The following SP100 variants were observed in gnomAD, a reference collection of about 807,000 sequenced individuals.
SP100 encodes the protein SP100 nuclear body protein.
Under a neutral mutation model 130.0 loss-of-function variants are expected in SP100, and 84 were observed. That is an observed-to-expected ratio of 0.65 (90% CI 0.54 to 0.77). SP100 has a LOEUF of 0.77. Among genes scored for constraint, SP100 ranks in the 30% least tolerant of loss-of-function variants. SP100 has a pLI of 0.00. For missense variants in SP100, 978 were observed against 1,052.2 expected (o/e 0.93, Z 0.97); for synonymous variants, 331 against 351.7 (o/e 0.94, Z 0.66).
intron 24 of SP100, among the ~76,000 whole-genome samples, chr2:230,529,541 C>T (rs1015844597): frequency 4.6e-5 from 7 of 152,300 alleles, no homozygotes; most frequent in Non-Finnish European, 1.0e-4. Context: ...CCCTCTCTCA[C>T]GACTCTTATT....
intron 24 of SP100, among the ~76,000 whole-genome samples, chr2:230,519,435 T>C (rs1388456791): frequency 1.3e-5 from 2 of 152,210 alleles, no homozygotes; most frequent in Non-Finnish European, 2.9e-5. Context: ...AGTTGTTCTG[T>C]TTGCTCCTTC....
At chr2:230,542,186 C>T in intron 28 of SP100, 151 bp downstream of exon 28, 1 of 817,422 alleles carries the variant, frequency 1.2e-6, no homozygotes, top group South Asian at 1.7e-5. Flanking sequence ...ATCCTAAAAG[C>T]CCTGTAGTGC....
chr2:230,451,641 T>C (rs926800487), intron 8 of SP100, among the ~76,000 whole-genome samples: 6 of 152,258 alleles, frequency 3.9e-5, no homozygotes, highest in Non-Finnish European at 8.8e-5. Context: ...AGAAGCTTTT[T>C]AGTTTGATGT....
At chr2:230,433,623 A>G (rs1196447499) in intron 2 of SP100, among the ~76,000 whole-genome samples, 1 of 152,074 alleles carries the variant, frequency 6.6e-6, no homozygotes, top group Non-Finnish European at 1.5e-5. Flanking sequence ...TCAATCCATG[A>G]ACATTGGCAT....
intron 8 of SP100, among the ~76,000 whole-genome samples, chr2:230,455,365 T>C (rs1363703126): frequency 6.6e-6 from 1 of 152,216 alleles, no homozygotes; most frequent in East Asian, 1.9e-4. Flanking sequence ...TGCCTGGTTT[T>C]ATCATGACCT....
intron 24 of SP100, among the ~76,000 whole-genome samples, chr2:230,526,450 A>T (rs532547442): frequency 6.6e-6 from 1 of 152,212 alleles, no homozygotes; most frequent in African/African-American, 2.4e-5. Flanking sequence ...AACCACAAAG[A>T]TGGGGAGAAA....
chr2:230,453,976 A>T (rs1285051082), intron 8 of SP100, among the ~76,000 whole-genome samples: 3 of 152,130 alleles, frequency 2.0e-5, no homozygotes, highest in South Asian at 2.1e-4. Flanking sequence ...CTTACTCATT[A>T]TTGGTCTGTT....
At chr2:230,416,403 T>C in intron 1 of SP100, 75 bp downstream of exon 1, 2 of 1,270,492 alleles carry the variant, frequency 1.6e-6, no homozygotes, top group Non-Finnish European at 2.3e-6. Flanking sequence ...GTTCAGTTTG[T>C]GCCTAAGGCT....
At chr2:230,505,461 C>A (rs1347772452) in intron 21 of SP100, among the ~76,000 whole-genome samples, 4 of 152,176 alleles carry the variant, frequency 2.6e-5, no homozygotes, top group Non-Finnish European at 4.4e-5. Context: ...TCAGCTATAC[C>A]AAGAGTGTCT....
chr2:230,470,217 C>T (rs2065198526), intron 15 of SP100, 119 bp downstream of exon 15: 1 of 1,365,370 alleles, frequency 7.3e-7, no homozygotes, highest in African/African-American at 1.5e-5. Flanking sequence ...TCCAGTTCAT[C>T]TGGGAACTCC....
chr2:230,435,668 G>T (rs1219474013), intron 2 of SP100, among the ~76,000 whole-genome samples: 1 of 152,132 alleles, frequency 6.6e-6, no homozygotes, highest in Non-Finnish European at 1.5e-5. Flanking sequence ...CATCACACAG[G>T]TGTTAAGACA....
At chr2:230,470,473 C>T (rs2065210721) in intron 15 of SP100, 10 of 940,986 alleles carry the variant, frequency 1.1e-5, no homozygotes, top group Non-Finnish European at 1.3e-5. Flanking sequence ...CAAAAGACAA[C>T]TGTTCCTACT....
At chr2:230,517,471 T>A (rs1161068770) in intron 24 of SP100, among the ~76,000 whole-genome samples, 2 of 152,086 alleles carry the variant, frequency 1.3e-5, no homozygotes, top group African/African-American at 4.8e-5. Flanking sequence ...TCAATAAAAA[T>A]AAGTTTTGGG....
chr2:230,461,791 A>T lies in SP100; in HGVS notation c.973+377A>T, dbSNP rs564872991. On this transcript the variant is annotated intron_variant, in intron 9 of 28. Transcript: ENST00000340126. ...TGGCGAAACCCCATCTCTACAAAAA[A>T]TATAAAAATTAGCCAGACAAGGTGA... 2.6e-5 allele frequency among the ~76,000 whole-genome samples: 4 copies of T among 152,026 alleles called. No individual in the cohort carries two copies. In the East Asian group the frequency reaches 7.8e-4, roughly 29 times the overall value.
chr2:230,429,497 C>T (rs1274451108), intron 2 of SP100, among the ~76,000 whole-genome samples: 1 of 152,100 alleles, frequency 6.6e-6, no homozygotes. Flanking sequence ...CATTTCTCTC[C>T]CCAAATGTGG....
In SP100 at chr2:230,522,274, T is replaced by A. The variant is rs552999506; in HGVS notation, c.2094+11108T>A. On this transcript the variant is annotated intron_variant, in intron 24 of 28. Transcript: ENST00000340126. ...GGTGATTGTGTGTGTGTTGATACAG[T>A]CATGGGAAATTAGAATTTGATAAAC... Among the ~76,000 whole-genome samples the A allele has an allele frequency of 8.7e-5, 13 of 149,578 alleles. No homozygotes were observed. The South Asian group carries it at 2.7e-3, about 31-fold the overall frequency.
chr2:230,531,429 G>T (rs1295401087), intron 24 of SP100, among the ~76,000 whole-genome samples: 3 of 151,838 alleles, frequency 2.0e-5, no homozygotes, highest in Admixed American at 1.3e-4. Context: ...GGGGTTGAGG[G>T]GCTGGGGGAG....
intron 2 of SP100, among the ~76,000 whole-genome samples, chr2:230,436,899 C>CACACACGCATATGTGTAT (rs2063293990): frequency 7.7e-6 from 1 of 130,694 alleles, no homozygotes; most frequent in Non-Finnish European, 1.7e-5. Flanking sequence ...TATGTGTATA[C>CACACACGCATATGTGTAT]ACACACGCAT....
intron 6 of SP100, 90 bp from the exon 7 acceptor site, chr2:230,449,471 G>A (rs1462006532): frequency 1.0e-5 from 15 of 1,431,742 alleles, no homozygotes; most frequent in Admixed American, 1.7e-5. Flanking sequence ...TTGACCTTAC[G>A]TCCATCAGTG....
Sources: gnomAD v4.1 joint callset for allele counts (sites outside exome capture counted in the v4.1 genomes callset) on GRCh38, gnomAD v4.1.1 for gene constraint, MANE v1.5 for transcripts, NCBI Gene and HGNC (gene_info 2026-07-23, HGNC 2026-07-21) for gene names.